TBXT: variants seen among roughly 807,000 people sequenced by gnomAD.
TBXT encodes T brachyury transcription factor.
TBXT carries 19 observed loss-of-function variants against 41.1 expected under a neutral mutation model. The ratio of observed to expected loss-of-function variants is 0.46; its 90% CI spans 0.32 to 0.68. The LOEUF is 0.68. TBXT is among the 30% of genes least tolerant of loss of function. The pLI is 0.03. For synonymous variants in TBXT, 213 were observed against 238.9 expected, an observed-to-expected ratio of 0.89 and a Z score of 1.00; for missense variants, 536 against 582.0, an observed-to-expected ratio of 0.92 and a Z score of 0.81.
At position 166,162,733 on chromosome 6, in the gene TBXT, C is replaced by T. The variant is rs545558945; in HGVS notation, c.731-110G>A. On this transcript the variant is annotated intron_variant, in intron 5 of 7. Coordinates refer to ENST00000366876, the MANE Select transcript of TBXT (RefSeq NM_001366285.2). ...CTCCATCACTCCAGAGAGCAGAGCCCAGGCCAGGGACTCTCCCTCCATCAC... is the reference window on the plus strand; with the variant it reads ...CTCCATCACTCCAGAGAGCAGAGCCTAGGCCAGGGACTCTCCCTCCATCAC... 23 of 773,132 alleles carry T rather than the reference C, an allele frequency of 3.0e-5. 1 individual carries two copies. The African/African-American group carries it at 3.0e-4, about 10-fold the overall frequency. The allele number at this position is 773,132 out of a possible 1,614,324, so 47.9% of individuals were successfully genotyped here. A position where few individuals can be genotyped will look rare whatever the true frequency, so the allele number is the denominator to read the frequency against.
intron 6 of TBXT, 63 bp downstream of exon 6, chr6:166,162,384 C>A: frequency 6.3e-7 from 1 of 1,583,094 alleles, no homozygotes; most frequent in South Asian, 1.1e-5. Context: ...CTGCAGAATG[C>A]CTTTCCCAAA....
intron 1 of TBXT, 104 bp from the exon 2 acceptor site, chr6:166,166,960 C>A: frequency 1.3e-6 from 2 of 1,580,706 alleles, no homozygotes; most frequent in Non-Finnish European, 1.7e-6. Flanking sequence ...CACAGAGGAG[C>A]CCCCTGGGGA....
rs139882733 is a variant in TBXT, at chr6:166,160,314, C to T, written c.1037+523G>A. Among the ~76,000 whole-genome samples, 6 of 152,302 alleles carry T rather than the reference C, an allele frequency of 3.9e-5. No homozygotes were observed. The East Asian group carries it at 1.2e-3, about 29-fold the overall frequency. ...TACCTAGCACATATATTAAAGACTT[C>T]GAGCCTGTATCCATAGAAAAGCCAA... On this transcript the variant is annotated intron_variant, in intron 7 of 7. Transcript: ENST00000366876.
chr6:166,158,562 C>T lies in TBXT; in HGVS notation c.1064G>A (p.Ser355Asn), dbSNP rs1003144597. 6.3e-7 allele frequency: 1 copy of T among 1,576,098 alleles called. No individual in the cohort carries two copies. The highest frequency in any genetic ancestry group is 8.6e-7 in the Non-Finnish European group (1 of 1,157,616). The change falls in exon 8 of 8, where the codon AGC (serine) becomes AAC (asparagine). Residue 355 changes from serine to asparagine, a missense_variant. Physicochemically the swap from Ser to Asn is conservative, Grantham distance 46. Coordinates refer to ENST00000366876, the MANE Select transcript of TBXT (RefSeq NM_001366285.2). ...GGAGCCCGGGGTGACGGCGCCGTTGCTCACAGACCACAGGCTGGGGTACTG... is the reference window on the plus strand; with the variant it reads ...GGAGCCCGGGGTGACGGCGCCGTTGTTCACAGACCACAGGCTGGGGTACTG... ...SSQYPSLWSV[S>N]NGAVTPGSQA...
At chr6:166,158,700 T>C (rs1324658344) in intron 7 of TBXT, 112 bp from the exon 8 acceptor site, 6 of 1,276,972 alleles carry the variant, frequency 4.7e-6, no homozygotes, top group Non-Finnish European at 6.2e-6. Context: ...TATGACAGTT[T>C]TCTTCTTTCA....
At chr6:166,167,301 T>C in intron 1 of TBXT, 85 bp downstream of exon 1, 1 of 1,504,308 alleles carries the variant, frequency 6.6e-7, no homozygotes, top group Middle Eastern at 1.7e-4. Context: ...AGAAAAAGGG[T>C]TCGACCTCCG....
Position 166,159,794 on chromosome 6 carries a change from G to C in TBXT, c.1037+1043C>G, listed in dbSNP as rs946113923. ...TACAAATGAAAGCTTCAGGTTCTAA[G>C]ATGCCCAATTAGAGCCACACTGAGA... On this transcript the variant is annotated intron_variant, in intron 7 of 7. Coordinates refer to ENST00000366876, the MANE Select transcript of TBXT (RefSeq NM_001366285.2). 2.6e-4 allele frequency among the ~76,000 whole-genome samples: 39 copies of C among 152,190 alleles called. 2 individuals carry two copies. The highest frequency in any genetic ancestry group is 1.2e-4 in the Non-Finnish European group (8 of 68,034).
chr6:166,165,655 C>G (rs759936558), intron 3 of TBXT, 51 bp downstream of exon 3: 3 of 1,612,448 alleles, frequency 1.9e-6, no homozygotes, highest in South Asian at 2.2e-5. Flanking sequence ...CACGGAGCAG[C>G]ACACCACACC....
chr6:166,162,419 C>A (rs1262631415), intron 6 of TBXT, 28 bp downstream of exon 6: 1 of 1,613,928 alleles, frequency 6.2e-7, no homozygotes, highest in South Asian at 1.1e-5. Context: ...ACCCACCAAC[C>A]CCTGGCAGAA....
chr6:166,166,847 A>G lies in TBXT; in HGVS notation c.216T>C (p.Phe72=). ...MIVTKNGRRM[F]PVLKVNVSGL... is the part of the protein sequence containing the mutation. The stretch of plus-strand genomic sequence containing the variant: ...CAGACACGTTCACCTTCAGCACCGG[A>G]AACATCCTCCTGGAAAACACGGGGC... Residue 72 remains phenylalanine (F), a synonymous_variant, in exon 2 of 8, where the codon TTT becomes TTC. Transcript: ENST00000366876. 1 of 1,613,738 alleles carries G rather than the reference A, an allele frequency of 6.2e-7. No homozygotes were observed. Among genetic ancestry groups the G allele is most frequent in the East Asian group, 2.2e-5 (1 of 44,888 alleles).
At chr6:166,165,947 T>G in intron 2 of TBXT, 107 bp from the exon 3 acceptor site, 1 of 1,546,704 alleles carries the variant, frequency 6.5e-7, no homozygotes, top group Non-Finnish European at 8.9e-7. Flanking sequence ...CAAGAAAGTG[T>G]CTCTGCTGTT....
intron 3 of TBXT, among the ~76,000 whole-genome samples, chr6:166,165,379 CCTCT>C (rs985525482): frequency 8.5e-5 from 13 of 152,122 alleles, no homozygotes; most frequent in Non-Finnish European, 2.9e-5. Flanking sequence ...AGGACATGCC[CCTCT>C]CTCACTCAAG....
rs1218887736 is a variant in TBXT at position 166,166,871 on chromosome 6, G to A, written c.207-15C>T. 2 of 1,613,358 alleles carry A rather than the reference G, an allele frequency of 1.2e-6. No homozygotes were observed. Among genetic ancestry groups the A allele is most frequent in the Admixed American group, 1.7e-5 (1 of 60,032 alleles). ...GAAACATCCTCCTGGAAAACACGGG[G>A]CGGGCGCAGGAGGACCCCGACACTG... On this transcript the variant is annotated splice_polypyrimidine_tract_variant and intron_variant, in intron 1 of 7. Coordinates refer to ENST00000366876, the MANE Select transcript of TBXT (RefSeq NM_001366285.2).
chr6:166,165,628 C>A, intron 3 of TBXT, 78 bp downstream of exon 3: 1 of 1,609,642 alleles, frequency 6.2e-7, no homozygotes, highest in Non-Finnish European at 8.5e-7. Context: ...CGCGTCTCCC[C>A]GCTCCTCCAG....
intron 1 of TBXT, 114 bp from the exon 2 acceptor site, chr6:166,166,970 A>T: frequency 6.4e-7 from 1 of 1,562,422 alleles, no homozygotes; most frequent in Admixed American, 1.7e-5. Flanking sequence ...CCCCCTGGGG[A>T]ACGTCCGAGG....
intron 1 of TBXT, 36 bp downstream of exon 1, chr6:166,167,350 G>A (rs764849821): frequency 1.2e-6 from 2 of 1,610,056 alleles, no homozygotes; most frequent in Non-Finnish European, 1.7e-6. Flanking sequence ...AGGCGCTGGA[G>A]AGCGCGGCGC....
rs905471605 is a variant in TBXT at position 166,158,097 on chromosome 6, A to T, written c.*218T>A. On this transcript the variant is annotated 3_prime_UTR_variant, in exon 8 of 8. Transcript: ENST00000366876. ...CCACAGTTGGGTTCATCTGTAAGCC[A>T]CCTGGGACAGCACCGCTACTGCAGG... 2.0e-5 allele frequency: 14 copies of T among 703,030 alleles called. No homozygotes were observed. The highest frequency in any genetic ancestry group is 3.1e-5 in the Non-Finnish European group (13 of 415,502). The allele number at this position is 703,030 out of a possible 1,614,324, so 43.5% of individuals were successfully genotyped here.
chr6:166,167,788 G>A lies in TBXT; in HGVS notation c.-197C>T. On this transcript the variant is annotated 5_prime_UTR_variant, in exon 1 of 8. Transcript: ENST00000366876. ...CCAAGACTTGGGGGGAGGGGACGGGGGCAGAGGGGTGGGGAGAAGTTATTC... is the reference window on the plus strand; with the variant it reads ...CCAAGACTTGGGGGGAGGGGACGGGAGCAGAGGGGTGGGGAGAAGTTATTC... 1 of 649,280 alleles carries A rather than the reference G, an allele frequency of 1.5e-6. No homozygotes were observed. The highest frequency in any genetic ancestry group is 2.7e-6 in the Non-Finnish European group (1 of 376,982). 40.2% of individuals were successfully genotyped at this position (649,280 alleles called of 1,614,324 possible).
At chr6:166,158,672 T>C (rs549141686) in intron 7 of TBXT, 84 bp from the exon 8 acceptor site, 2 of 1,402,186 alleles carry the variant, frequency 1.4e-6, no homozygotes, top group African/African-American at 1.5e-5. Flanking sequence ...AGAAATCCCA[T>C]TCGGAGTGAC....
Sources: allele counts gnomAD v4.1 joint callset (sites outside exome capture counted in the v4.1 genomes callset), GRCh38; gene constraint gnomAD v4.1.1; transcripts MANE v1.5; gene names NCBI Gene and HGNC (gene_info 2026-07-23, HGNC 2026-07-21).